The following USP47 variants were observed in gnomAD, a reference collection of about 807,000 sequenced individuals.
USP47 encodes the protein ubiquitin specific peptidase 47, also known as ubiquitin carboxyl-terminal hydrolase 47.
Under a neutral mutation model 165.1 loss-of-function variants are expected in USP47, and 35 were observed. That is an observed-to-expected ratio of 0.21 (90% CI 0.16 to 0.28). The LOEUF is 0.28. USP47 is among the 10% of genes least tolerant of loss of function. USP47 has a pLI of 1.00. For missense variants in USP47, 1,277 were observed against 1,607.4 expected (o/e 0.79, Z 3.52); for synonymous variants, 531 against 544.5 (o/e 0.98, Z 0.35).
chr11:11,898,555 C>CTGTA (rs1851993027), intron 5 of USP47, among the ~76,000 whole-genome samples: 1 of 151,888 alleles, frequency 6.6e-6, no homozygotes, highest in East Asian at 1.9e-4. Context: ...ATGTATTGCC[C>CTGTA]TGTAGTGTTT....
chr11:11,873,750 T>G (rs561658137), intron 1 of USP47: 2 of 1,154,200 alleles, frequency 1.7e-6, no homozygotes, highest in Admixed American at 3.3e-5. Context: ...GTCTTTTCCC[T>G]TTATTTTATA....
intron 1 of USP47, among the ~76,000 whole-genome samples, chr11:11,851,577 C>T (rs1344226670): frequency 2.6e-5 from 4 of 152,230 alleles, no homozygotes; most frequent in Non-Finnish European, 5.9e-5. Context: ...AACCATAGAA[C>T]GATGATCAGA....
chr11:11,903,400 A>G (rs1852352246), intron 7 of USP47, 58 bp downstream of exon 7: 2 of 1,508,064 alleles, frequency 1.3e-6, no homozygotes, highest in Admixed American at 1.8e-5. Context: ...TTGTTACCCT[A>G]AATGACTTTT....
intron 2 of USP47, among the ~76,000 whole-genome samples, chr11:11,882,097 A>G (rs1437989070): frequency 6.6e-6 from 1 of 152,184 alleles, no homozygotes; most frequent in East Asian, 1.9e-4. Flanking sequence ...TCAGTCATCT[A>G]AAGTTGTAGC....
chr11:11,880,091 A>G, intron 1 of USP47, 86 bp from the exon 2 acceptor site: 1 of 965,540 alleles, frequency 1.0e-6, no homozygotes, highest in Non-Finnish European at 1.4e-6. Flanking sequence ...GGTCTTTTAC[A>G]TTTAATCATA....
At chr11:11,942,197 A>G in intron 19 of USP47, 138 bp from the exon 20 acceptor site, 3 of 1,006,996 alleles carry the variant, frequency 3.0e-6, no homozygotes, top group East Asian at 2.7e-5. Flanking sequence ...CCAAAACAAT[A>G]GAGTCCTTCA....
intron 5 of USP47, among the ~76,000 whole-genome samples, chr11:11,898,917 T>C (rs1852015890): frequency 6.6e-6 from 1 of 152,206 alleles, no homozygotes; most frequent in Admixed American, 6.5e-5. Flanking sequence ...ACTTTATATA[T>C]AGACTCACTT....
chr11:11,956,071 C>G lies in USP47; in HGVS notation c.3964C>G (p.Arg1322Gly), dbSNP rs781090882. 1 of 1,604,798 alleles carries G rather than the reference C, an allele frequency of 6.2e-7. No individual in the cohort carries two copies. Among genetic ancestry groups the G allele is most frequent in the Non-Finnish European group, 8.5e-7 (1 of 1,177,324 alleles). ...TGAACTGATGAAAAAAGAAAGCAGT[C>G]GACTCCAGAAGACTGGACATCGTGT... ...RNELMKKESS[R>G]LQKTGHRVTY... Residue 1322 changes from arginine to glycine, a missense_variant, in exon 28 of 28, where the codon CGA becomes GGA. Arg to Gly is a moderately radical substitution (Grantham distance 125). Around this residue, in one of 4 missense-constraint regions of USP47, gnomAD observed 909 missense variants for 1,068.1 expected, o/e 0.85. Coordinates refer to ENST00000527733, the MANE Select transcript of USP47 (RefSeq NM_001282659.2).
chr11:11,876,768 G>GGTT (rs1850447372), intron 1 of USP47, among the ~76,000 whole-genome samples: 1 of 152,176 alleles, frequency 6.6e-6, no homozygotes, highest in South Asian at 2.1e-4. Flanking sequence ...ATGGTGGCTG[G>GGTT]GTTATAAGAG....
At chr11:11,885,485 G>C (rs1851097516) in intron 3 of USP47, among the ~76,000 whole-genome samples, 1 of 152,108 alleles carries the variant, frequency 6.6e-6, no homozygotes, top group Non-Finnish European at 1.5e-5. Flanking sequence ...GTATGACTCT[G>C]CCCAGGAAAC....
intron 20 of USP47, among the ~76,000 whole-genome samples, chr11:11,945,615 G>A (rs11822505): frequency 0.013 from 1,990 of 151,200 alleles, 46 homozygotes; most frequent in African/African-American, 0.047. Flanking sequence ...AAATTTCTCC[G>A]TACAATTTTG....
At chr11:11,845,775 A>G (rs1346324376) in intron 1 of USP47, among the ~76,000 whole-genome samples, 1 of 152,222 alleles carries the variant, frequency 6.6e-6, no homozygotes, top group Non-Finnish European at 1.5e-5. Context: ...TTTTGCTTTA[A>G]TACATACTTC....
intron 1 of USP47, among the ~76,000 whole-genome samples, chr11:11,848,264 G>C (rs1284706105): frequency 6.6e-6 from 1 of 152,202 alleles, no homozygotes; most frequent in East Asian, 1.9e-4. Flanking sequence ...CAGTGTGCTT[G>C]CACAAACCTA....
At chr11:11,950,783 A>G (rs1856168693) in intron 24 of USP47, 2 of 173,808 alleles carry the variant, frequency 1.2e-5, no homozygotes, top group East Asian at 1.5e-4. Context: ...TTGCCTTTTA[A>G]GTATTCTTTT....
chr11:11,916,824 T>TA (rs1177081084), intron 8 of USP47, among the ~76,000 whole-genome samples: 1 of 152,092 alleles, frequency 6.6e-6, no homozygotes, highest in Non-Finnish European at 1.5e-5. Flanking sequence ...CCTGGAATGA[T>TA]AAACTCTGAG....
At chr11:11,918,103 C>G (rs1853563128) in intron 8 of USP47, among the ~76,000 whole-genome samples, 1 of 152,030 alleles carries the variant, frequency 6.6e-6, no homozygotes, top group Non-Finnish European at 1.5e-5. Flanking sequence ...CTAATATCAC[C>G]AAAGAGAAAG....
Position 11,956,175 on chromosome 11 carries a change from A to G in USP47, c.4068A>G (p.Ter1356TrpextTer2). ...CAAATAAAGATCTGACTCAAGACTG[A>G]CTCTGATAGTGTAGCATTTTCCCTG... is the stretch of plus-strand genomic sequence containing the variant. The part of the protein sequence containing the change: ...GAPNKDLTQD[*>W] Residue 1356 changes from the stop codon to tryptophan, a stop_lost, in exon 28 of 28, where the codon TGA (stop) becomes TGG (tryptophan). Coordinates refer to ENST00000527733, the MANE Select transcript of USP47 (RefSeq NM_001282659.2). 6.2e-7 allele frequency: 1 copy of G among 1,613,678 alleles called. No individual in the cohort carries two copies. The highest frequency in any genetic ancestry group is 8.5e-7 in the Non-Finnish European group (1 of 1,179,868).
chr11:11,937,259 C>A (rs1263918798), intron 17 of USP47, among the ~76,000 whole-genome samples: 1 of 151,836 alleles, frequency 6.6e-6, no homozygotes, highest in Non-Finnish European at 1.5e-5. Context: ...TTTACAAAAT[C>A]CATACTGTTT....
At chr11:11,884,392 G>A (rs764360509) in intron 2 of USP47, 75 bp from the exon 3 acceptor site, 13 of 1,041,670 alleles carry the variant, frequency 1.2e-5, no homozygotes, top group Non-Finnish European at 1.8e-5. Context: ...CTATTTAAAT[G>A]TAGATATGTA....
Sources: gnomAD v4.1 joint callset for allele counts (sites outside exome capture counted in the v4.1 genomes callset) on GRCh38, gnomAD v4.1.1 for gene constraint, gnomAD v4.1.1 regional missense constraint, MANE v1.5 for transcripts, NCBI Gene and HGNC (gene_info 2026-07-23, HGNC 2026-07-21) for gene names.